Variants in LHPP observed in about 807,000 individuals in gnomAD.
LHPP encodes hLHPP.
LHPP carries 24 observed loss-of-function variants against 30.3 expected under a neutral mutation model. The ratio of observed to expected loss-of-function variants is 0.79; its 90% CI spans 0.57 to 1.11. The LOEUF (loss-of-function observed/expected upper bound fraction) is 1.11, where lower values mean the gene tolerates loss of function less well. Ranked by LOEUF, LHPP falls within the 50% of genes most tolerant of loss-of-function variation. The pLI is 0.00. For missense variants in LHPP, 356 were observed against 367.2 expected (o/e 0.97, Z 0.25); for synonymous variants, 150 against 157.1 (o/e 0.95, Z 0.34).
At chr10:124,604,496 G>A (rs572829171) in intron 6 of LHPP, among the ~76,000 whole-genome samples, 63 of 152,292 alleles carry the variant, frequency 4.1e-4, no homozygotes, top group African/African-American at 1.2e-3. Flanking sequence ...GAGAAGCTGC[G>A]GGTGTGCAGG....
At chr10:124,494,135 A>G (rs541868958) in intron 3 of LHPP, among the ~76,000 whole-genome samples, 2 of 152,318 alleles carry the variant, frequency 1.3e-5, no homozygotes, top group East Asian at 3.9e-4. Context: ...GTTTTTTTAA[A>G]ATCCCATCCA....
In LHPP at chr10:124,532,692, G is replaced by A. The variant is rs77032215; in HGVS notation, c.716+15421G>A. On this transcript the variant is annotated intron_variant, in intron 6 of 6. Coordinates refer to ENST00000368842, the MANE Select transcript of LHPP (RefSeq NM_022126.4). The stretch of plus-strand genomic sequence containing the variant: ...CTTCCCAGGCCATTTCTGCATTTGT[G>A]GTTCTCTTCCAAGCCTCTTGGGTAG... Among the ~76,000 whole-genome samples the A allele has an allele frequency of 8.5e-4, 130 of 152,338 alleles. 1 individual carries two copies. Among genetic ancestry groups the A allele is most frequent in the African/African-American group, 3.0e-3 (125 of 41,568 alleles).
chr10:124,568,147 C>G (rs950900064), intron 6 of LHPP, among the ~76,000 whole-genome samples: 3 of 152,174 alleles, frequency 2.0e-5, no homozygotes, highest in African/African-American at 7.2e-5. Context: ...ATCTCTCGAC[C>G]TCGTGATCCG....
In LHPP at chr10:124,613,700, A is replaced by G; in HGVS notation, c.*340A>G. The G allele has an allele frequency of 2.6e-6, 1 of 390,214 alleles. No individual in the cohort carries two copies. The highest frequency in any genetic ancestry group is 3.1e-5 in the South Asian group (1 of 32,144). 24.2% of individuals were successfully genotyped at this position (390,214 alleles called of 1,614,324 possible). A position where few individuals can be genotyped will look rare whatever the true frequency, so the allele number is the denominator to read the frequency against. On this transcript the variant is annotated 3_prime_UTR_variant, in exon 7 of 7. Transcript: ENST00000368842. ...GGGAATCTCCCAAATCCCAGAACTC[A>G]CCACTCACCATGGGCCTTTAAATGC...
intron 6 of LHPP, among the ~76,000 whole-genome samples, chr10:124,601,407 G>A (rs942296485): frequency 4.6e-5 from 7 of 152,234 alleles, no homozygotes; most frequent in Non-Finnish European, 8.8e-5. Context: ...CCTTACGTAC[G>A]TGAATTGGGT....
intron 6 of LHPP, among the ~76,000 whole-genome samples, chr10:124,548,674 G>A (rs963696136): frequency 7.2e-5 from 11 of 152,196 alleles, no homozygotes; most frequent in African/African-American, 2.2e-4. Context: ...TGACCACCTC[G>A]GGATCAAGAG....
In LHPP at chr10:124,540,176, G is replaced by A. The variant is rs139426817; in HGVS notation, c.716+22905G>A. The stretch of plus-strand genomic sequence containing the variant: ...TGCTGTTTCTGTGTCTGTGCGCTTC[G>A]GTGGAGATGCTGTGGGTGGGTGGGC... On this transcript the variant is annotated intron_variant, in intron 6 of 6. Coordinates refer to ENST00000368842, the MANE Select transcript of LHPP (RefSeq NM_022126.4). Among the ~76,000 whole-genome samples the A allele has an allele frequency of 3.0e-3, 456 of 152,294 alleles. 5 individuals are homozygous for A. The highest frequency in any genetic ancestry group is 8.3e-3 in the African/African-American group (343 of 41,548).
At chr10:124,552,572 A>G (rs963129183) in intron 6 of LHPP, among the ~76,000 whole-genome samples, 3 of 152,192 alleles carry the variant, frequency 2.0e-5, no homozygotes, top group African/African-American at 7.2e-5. Context: ...AGAGAAGACG[A>G]GCTGAGCAGG....
chr10:124,479,966 C>T (rs151247542), intron 1 of LHPP, among the ~76,000 whole-genome samples: 1 of 152,336 alleles, frequency 6.6e-6, no homozygotes, highest in East Asian at 1.9e-4. Context: ...AGCCAGGCAC[C>T]TGGGCCTTGG....
At chr10:124,515,002 G>A (rs945999699) in intron 5 of LHPP, among the ~76,000 whole-genome samples, 3 of 151,852 alleles carry the variant, frequency 2.0e-5, no homozygotes, top group Admixed American at 6.6e-5. Flanking sequence ...GGGTCTTGCG[G>A]TGTTGCCTAG....
chr10:124,539,535 C>G (rs529685223), intron 6 of LHPP, among the ~76,000 whole-genome samples: 1 of 152,084 alleles, frequency 6.6e-6, no homozygotes, highest in Admixed American at 6.5e-5. Flanking sequence ...CCAAGGAGAG[C>G]GGATCACTTG....
chr10:124,578,614 G>T (rs1490130382), intron 6 of LHPP, among the ~76,000 whole-genome samples: 1 of 152,204 alleles, frequency 6.6e-6, no homozygotes, highest in Non-Finnish European at 1.5e-5. Context: ...GGAGGGAGAG[G>T]GTTCAGGGAG....
chr10:124,570,082 TA>T (rs1227851998), intron 6 of LHPP, among the ~76,000 whole-genome samples: 1 of 152,118 alleles, frequency 6.6e-6, no homozygotes, highest in Non-Finnish European at 1.5e-5. Flanking sequence ...ACTATTAATT[TA>T]GGTTTAAAAT....
chr10:124,598,888 C>T (rs1317409753), intron 6 of LHPP, among the ~76,000 whole-genome samples: 1 of 151,510 alleles, frequency 6.6e-6, no homozygotes, highest in African/African-American at 2.4e-5. Context: ...TCCATTCGTC[C>T]ACCCATCCAC....
intron 6 of LHPP, among the ~76,000 whole-genome samples, chr10:124,545,109 T>C (rs1472449708): frequency 6.6e-6 from 1 of 152,166 alleles, no homozygotes; most frequent in Non-Finnish European, 1.5e-5. Flanking sequence ...AGAGCAGAGC[T>C]GTCCTTACAG....
At chr10:124,611,808 G>A (rs1295821953) in intron 6 of LHPP, among the ~76,000 whole-genome samples, 7 of 152,130 alleles carry the variant, frequency 4.6e-5, no homozygotes, top group South Asian at 2.1e-4. Flanking sequence ...TTTAGATGAC[G>A]TGAGAACCAA....
intron 1 of LHPP, among the ~76,000 whole-genome samples, chr10:124,467,661 A>G (rs1321182986): frequency 6.6e-6 from 1 of 150,654 alleles, no homozygotes; most frequent in Non-Finnish European, 1.5e-5. Flanking sequence ...AGCTGGGACT[A>G]CAGGTATACC....
At position 124,517,904 on chromosome 10, in the gene LHPP, A is replaced by C. The variant is rs1954499607; in HGVS notation, c.716+633A>C. On this transcript the variant is annotated intron_variant, in intron 6 of 6. Transcript: ENST00000368842. The surrounding 1 kb of genome is among the most constrained non-coding windows in gnomAD (Gnocchi z 4.1). ...TCATCGAGAGGATCTTGGACATCAG[A>C]GTGTTGCCTTGCCTTATGCTAGATG... Among the ~76,000 whole-genome samples, 1 of 152,064 alleles carries C rather than the reference A, an allele frequency of 6.6e-6. No homozygotes were observed. The highest frequency in any genetic ancestry group is 1.5e-5 in the Non-Finnish European group (1 of 68,004).
At chr10:124,465,894 G>A (rs1296245886) in intron 1 of LHPP, among the ~76,000 whole-genome samples, 1 of 152,190 alleles carries the variant, frequency 6.6e-6, no homozygotes, top group African/African-American at 2.4e-5. Context: ...ATATCAAGCT[G>A]CCCTGTTTCA....
Sources: allele counts gnomAD v4.1 joint callset (sites outside exome capture counted in the v4.1 genomes callset), GRCh38; gene constraint gnomAD v4.1.1; non-coding constraint Gnocchi (gnomAD v3.1); transcripts MANE v1.5; gene names NCBI Gene and HGNC (gene_info 2026-07-23, HGNC 2026-07-21).